TNS3: variants seen among roughly 807,000 people sequenced by gnomAD.
TNS3 encodes the protein tensin-3.
TNS3 carries 45 observed loss-of-function variants against 140.9 expected under a neutral mutation model. The observed-to-expected ratio is 0.32, with a 90% confidence interval of 0.25 to 0.41. TNS3 has a LOEUF of 0.41. Among genes scored for constraint, TNS3 ranks in the 10% least tolerant of loss-of-function variants. The probability of loss-of-function intolerance (pLI) is 1.00; values close to 1 mark genes in which losing one functional copy is unlikely to be tolerated. For missense variants in TNS3, 1,716 were observed against 1,906.7 expected, an observed-to-expected ratio of 0.90 and a Z score of 1.86; for synonymous variants, 815 against 788.4, an observed-to-expected ratio of 1.03 and a Z score of -0.56.
At chr7:47,415,068 G>C in intron 11 of TNS3, 26 bp downstream of exon 11, 1 of 1,569,732 alleles carries the variant, frequency 6.4e-7, no homozygotes, top group Non-Finnish European at 8.7e-7. Flanking sequence ...GCCAATCGCA[G>C]GTGCCACGTC....
At position 47,439,496 on chromosome 7, in the gene TNS3, G is replaced by A. The variant is rs1227142102; in HGVS notation, c.141C>T (p.Asp47=). ...GCCGCCCACCGCTCACCAGGTAGTTGTCCCCGTGCTTGGACTTGAGCATGC... is the reference window on the plus strand; with the variant it reads ...GCCGCCCACCGCTCACCAGGTAGTTATCCCCGTGCTTGGACTTGAGCATGC... ...VTRMLKSKHG[D]NYLVLNLSEK... Residue 47 remains aspartate (D), a synonymous_variant, in exon 6 of 31, where the codon GAC becomes GAT. Coordinates refer to ENST00000311160, the MANE Select transcript of TNS3 (RefSeq NM_022748.12). 3 of 1,613,788 alleles carry A rather than the reference G, an allele frequency of 1.9e-6. No individual in the cohort carries two copies. The highest frequency in any genetic ancestry group is 2.2e-5 in the South Asian group (2 of 90,986).
chr7:47,549,533 G>A (rs571802777), intron 1 of TNS3, among the ~76,000 whole-genome samples: 1 of 152,164 alleles, frequency 6.6e-6, no homozygotes, highest in African/African-American at 2.4e-5. Flanking sequence ...AGACCAATGT[G>A]ATCTAGCCCC....
At chr7:47,551,396 C>G (rs893955974) in intron 1 of TNS3, among the ~76,000 whole-genome samples, 1 of 152,174 alleles carries the variant, frequency 6.6e-6, no homozygotes, top group Admixed American at 6.5e-5. Flanking sequence ...AATGGGGAGA[C>G]CACGGAGGAG....
At chr7:47,386,956 C>T (rs1792111489) in intron 16 of TNS3, among the ~76,000 whole-genome samples, 1 of 152,220 alleles carries the variant, frequency 6.6e-6, no homozygotes, top group African/African-American at 2.4e-5. Context: ...ATGCCTTCTA[C>T]CTCACATGCC....
intron 1 of TNS3, among the ~76,000 whole-genome samples, chr7:47,561,946 T>G (rs1375684691): frequency 6.6e-6 from 1 of 152,256 alleles, no homozygotes; most frequent in Non-Finnish European, 1.5e-5. Context: ...CAAGAAAGAA[T>G]TTGTTTTCCT....
At chr7:47,538,794 C>T (rs937539453) in intron 1 of TNS3, among the ~76,000 whole-genome samples, 3 of 152,204 alleles carry the variant, frequency 2.0e-5, no homozygotes, top group African/African-American at 7.2e-5. Flanking sequence ...CCCTGTCCTT[C>T]AAATGACACC....
chr7:47,303,572 T>C lies in TNS3; in HGVS notation c.2835A>G (p.Ala945=), dbSNP rs1188999491. ...PGQRRESSSS[A]ERQWVESSPK... is the part of the protein sequence containing the mutation. The stretch of plus-strand genomic sequence containing the variant: ...GGCTGCTCTCCACCCACTGGCGTTC[T>C]GCAGAAGAGGAGCTGTTCAAAAGAC... Residue 945 remains alanine, a synonymous_variant, in exon 22 of 31, where the codon GCA becomes GCG. Coordinates refer to ENST00000311160, the MANE Select transcript of TNS3 (RefSeq NM_022748.12). The C allele has an allele frequency of 1.3e-6, 2 of 1,594,038 alleles. No homozygotes were observed. Among genetic ancestry groups the C allele is most frequent in the Non-Finnish European group, 1.7e-6 (2 of 1,175,318 alleles).
At chr7:47,467,896 G>A (rs1208456748) in intron 4 of TNS3, among the ~76,000 whole-genome samples, 1 of 152,168 alleles carries the variant, frequency 6.6e-6, no homozygotes, top group Non-Finnish European at 1.5e-5. Context: ...GGTTGGAGAT[G>A]TTGTTGTGTG....
In TNS3 at chr7:47,392,633, C is replaced by T. The variant is rs571093703; in HGVS notation, c.1024+4167G>A. 5.0e-4 allele frequency among the ~76,000 whole-genome samples: 76 copies of T among 152,308 alleles called. 1 individual carries two copies. Among genetic ancestry groups the T allele is most frequent in the African/African-American group, 1.8e-3 (75 of 41,562 alleles). Reference sequence around the variant, plus strand: ...GAAGACTAAAGCCCTGGTGGGAATGCGGCTGGGACTCAGCCTTTCACCCGC... The same window carrying T: ...GAAGACTAAAGCCCTGGTGGGAATGTGGCTGGGACTCAGCCTTTCACCCGC... On this transcript the variant is annotated intron_variant, in intron 16 of 30. Transcript: ENST00000311160.
intron 4 of TNS3, among the ~76,000 whole-genome samples, chr7:47,476,274 C>A (rs1393376398): frequency 2.6e-5 from 4 of 152,212 alleles, no homozygotes; most frequent in African/African-American, 7.2e-5. Flanking sequence ...GTGTCATACC[C>A]CGGATGGGAC....
chr7:47,360,177 C>T (rs1790233187), intron 17 of TNS3, among the ~76,000 whole-genome samples: 1 of 152,146 alleles, frequency 6.6e-6, no homozygotes, highest in South Asian at 2.1e-4. Context: ...AATTGGACAC[C>T]CACAGAGCTC....
At chr7:47,515,730 G>A (rs1341906999) in intron 2 of TNS3, among the ~76,000 whole-genome samples, 1 of 151,810 alleles carries the variant, frequency 6.6e-6, no homozygotes, top group Non-Finnish European at 1.5e-5. Flanking sequence ...CACCATCATC[G>A]TTACCATCAT....
At chr7:47,306,779 A>AAT (rs1786784099) in intron 20 of TNS3, among the ~76,000 whole-genome samples, 1 of 152,124 alleles carries the variant, frequency 6.6e-6, no homozygotes, top group African/African-American at 2.4e-5. Context: ...GGGTTTCATC[A>AAT]TGTTAGCAAG....
chr7:47,330,884 C>T (rs548404262), intron 20 of TNS3, among the ~76,000 whole-genome samples: 3 of 152,252 alleles, frequency 2.0e-5, no homozygotes, highest in Non-Finnish European at 2.9e-5. Flanking sequence ...CCCACCAGCC[C>T]GCACTGCCTG....
intron 16 of TNS3, among the ~76,000 whole-genome samples, chr7:47,395,312 G>T (rs1792765323): frequency 6.6e-6 from 1 of 152,146 alleles, no homozygotes; most frequent in African/African-American, 2.4e-5. Flanking sequence ...GCTGTCCTCA[G>T]AGTCCCCATC....
Position 47,407,444 on chromosome 7 carries a change from T to C in TNS3, c.723+4283A>G, listed in dbSNP as rs115218206. Among the ~76,000 whole-genome samples, 961 of 152,336 alleles carry C rather than the reference T, an allele frequency of 6.3e-3. 5 individuals carry two copies. Among genetic ancestry groups the C allele is most frequent in the African/African-American group, 0.021 (891 of 41,578 alleles). On this transcript the variant is annotated intron_variant, in intron 13 of 30. Coordinates refer to ENST00000311160, the MANE Select transcript of TNS3 (RefSeq NM_022748.12). This position sits in a 1 kb window ranked among gnomAD's most constrained non-coding sequence, Gnocchi z 4.1. ...TGCCCACTCACGTGTCCACCGCATCTTCTCATGCAGGCCGCACGCTGAACG... is the reference window on the plus strand; with the variant it reads ...TGCCCACTCACGTGTCCACCGCATCCTCTCATGCAGGCCGCACGCTGAACG...
chr7:47,509,591 T>C (rs1378539168), intron 2 of TNS3, among the ~76,000 whole-genome samples: 2 of 152,104 alleles, frequency 1.3e-5, no homozygotes, highest in South Asian at 2.1e-4. Context: ...TCAAATTCAG[T>C]GTTTGCATCC....
At chr7:47,489,891 T>A (rs1218942499) in intron 3 of TNS3, among the ~76,000 whole-genome samples, 1 of 152,070 alleles carries the variant, frequency 6.6e-6, no homozygotes, top group Non-Finnish European at 1.5e-5. Flanking sequence ...AGGCCAAGCA[T>A]CTCATGGTGC....
chr7:47,299,880 G>A (rs1429471627), intron 23 of TNS3, among the ~76,000 whole-genome samples: 1 of 152,226 alleles, frequency 6.6e-6, no homozygotes, highest in Non-Finnish European at 1.5e-5. Context: ...CAGGGATGAG[G>A]GGAGGGGAGG....
Sources: allele counts gnomAD v4.1 joint callset (sites outside exome capture counted in the v4.1 genomes callset), GRCh38; gene constraint gnomAD v4.1.1; non-coding constraint Gnocchi (gnomAD v3.1); transcripts MANE v1.5; gene names NCBI Gene and HGNC (gene_info 2026-07-23, HGNC 2026-07-21).